Variants in VAV3 observed in about 807,000 individuals in gnomAD.
VAV3 encodes guanine nucleotide exchange factor VAV3.
A neutral mutation model predicts 131.2 loss-of-function variants in VAV3; 94 were observed. The ratio of observed to expected loss-of-function variants is 0.72; its 90% CI spans 0.61 to 0.85. VAV3 has a LOEUF of 0.85. Among genes scored for constraint, VAV3 ranks in the 40% least tolerant of loss-of-function variants. The probability of loss-of-function intolerance (pLI) is 0.00; values close to 1 mark genes in which losing one functional copy is unlikely to be tolerated. For missense variants in VAV3, 939 were observed against 1,002.7 expected (o/e 0.94, Z 0.86); for synonymous variants, 349 against 342.0 (o/e 1.02, Z -0.22).
chr1:107,636,662 C>A (rs571648821), intron 20 of VAV3, among the ~76,000 whole-genome samples: 1 of 152,094 alleles, frequency 6.6e-6, no homozygotes, highest in East Asian at 1.9e-4. Flanking sequence ...AAGTGAAAAA[C>A]AGAATGGTTG....
chr1:107,962,302 C>T (rs547184510), intron 1 of VAV3, among the ~76,000 whole-genome samples: 22 of 151,692 alleles, frequency 1.5e-4, no homozygotes, highest in Non-Finnish European at 2.8e-4. Context: ...CAGCTAGAAC[C>T]TTTCCCAAGA....
At chr1:107,733,764 A>C (rs1479566219) in intron 15 of VAV3, among the ~76,000 whole-genome samples, 1 of 152,256 alleles carries the variant, frequency 6.6e-6, no homozygotes, top group African/African-American at 2.4e-5. Flanking sequence ...TCTAAATTTG[A>C]TTGGTGTACC....
chr1:107,764,079 AAAAAAAAC>A (rs1484498367), intron 9 of VAV3, among the ~76,000 whole-genome samples: 20 of 152,182 alleles, frequency 1.3e-4, no homozygotes, highest in East Asian at 1.9e-4. Flanking sequence ...CTTCAGGAAA[AAAAAAAAC>A]AAAAAACAAA....
At chr1:107,850,785 C>A (rs898476899) in intron 2 of VAV3, among the ~76,000 whole-genome samples, 2 of 151,986 alleles carry the variant, frequency 1.3e-5, no homozygotes, top group African/African-American at 4.8e-5. Context: ...CCAGACTGAT[C>A]AACTATTTTT....
chr1:107,598,770 T>C (rs1651599571), intron 24 of VAV3, among the ~76,000 whole-genome samples: 1 of 151,226 alleles, frequency 6.6e-6, no homozygotes, highest in South Asian at 2.1e-4. Context: ...TTTTTTAAAA[T>C]ATAAAGCAAA....
At chr1:107,591,639 C>T (rs1364213002) in intron 25 of VAV3, among the ~76,000 whole-genome samples, 1 of 152,190 alleles carries the variant, frequency 6.6e-6, no homozygotes, top group Admixed American at 6.5e-5. Flanking sequence ...ATGGGATCAT[C>T]TCCACAACTG....
At chr1:107,594,273 G>A (rs1452923968) in intron 25 of VAV3, among the ~76,000 whole-genome samples, 1 of 151,980 alleles carries the variant, frequency 6.6e-6, no homozygotes, top group Non-Finnish European at 1.5e-5. Context: ...ACTCCATAAA[G>A]GCAGGAACTT....
intron 15 of VAV3, among the ~76,000 whole-genome samples, chr1:107,710,958 T>C (rs1408247340): frequency 1.3e-5 from 2 of 152,070 alleles, no homozygotes; most frequent in Admixed American, 1.3e-4. Flanking sequence ...CTAAAGATAA[T>C]AGAAAACATA....
At chr1:107,871,668 C>T (rs1334545746) in intron 2 of VAV3, among the ~76,000 whole-genome samples, 1 of 152,144 alleles carries the variant, frequency 6.6e-6, no homozygotes, top group Non-Finnish European at 1.5e-5. Context: ...CAAATAGATG[C>T]TCTTCACCAT....
At chr1:107,585,824 C>A (rs1650440422) in intron 25 of VAV3, among the ~76,000 whole-genome samples, 1 of 152,074 alleles carries the variant, frequency 6.6e-6, no homozygotes, top group Non-Finnish European at 1.5e-5. Context: ...AGGTGAGGCA[C>A]AAATGCTCTA....
intron 15 of VAV3, among the ~76,000 whole-genome samples, chr1:107,748,632 T>C (rs898308912): frequency 7.7e-4 from 118 of 152,328 alleles, no homozygotes; most frequent in Middle Eastern, 6.8e-3. Flanking sequence ...TTTAAAAATA[T>C]AGTTATTACA....
chr1:107,684,821 T>A (rs953804751), intron 18 of VAV3, among the ~76,000 whole-genome samples: 6 of 152,228 alleles, frequency 3.9e-5, no homozygotes, highest in Non-Finnish European at 7.3e-5. Context: ...TACAGACTCA[T>A]GTCTGATAAT....
chr1:107,574,992 TGCGTGCGTGCGCGCGCGCGCGCGCACAC>T (rs528470417), intron 25 of VAV3, among the ~76,000 whole-genome samples: 2,059 of 64,300 alleles, frequency 0.032, 61 homozygotes, highest in African/African-American at 0.069. Context: ...TGTGTGTGTG[TGCGTGCGTGCGCGCGCGCGCGCGCACAC>T]GCGCGCGTGT....
intron 25 of VAV3, among the ~76,000 whole-genome samples, chr1:107,580,494 A>G (rs1382939699): frequency 1.3e-5 from 2 of 152,176 alleles, no homozygotes; most frequent in African/African-American, 4.8e-5. Context: ...TCTATGCCTG[A>G]GGAATCTTCT....
chr1:107,882,331 C>T (rs1670821980), intron 1 of VAV3, among the ~76,000 whole-genome samples: 1 of 152,076 alleles, frequency 6.6e-6, no homozygotes, highest in South Asian at 2.1e-4. Flanking sequence ...AGGACACTTG[C>T]TATTGAAAGA....
rs775260134 is a variant in VAV3 at position 107,672,471 on chromosome 1, T to C, written c.1777+11017A>G. 2.9e-4 allele frequency among the ~76,000 whole-genome samples: 44 copies of C among 151,920 alleles called. No individual in the cohort carries two copies. In the Middle Eastern group the frequency reaches 0.01, roughly 35 times the overall value. Reference sequence around the variant, plus strand: ...AAAAATTAAACAATAAAATTATAAGTAGGTGTTTAATAAGTCAGAGGAGGG... The same window carrying C: ...AAAAATTAAACAATAAAATTATAAGCAGGTGTTTAATAAGTCAGAGGAGGG... On this transcript the variant is annotated intron_variant, in intron 19 of 26. Coordinates refer to ENST00000370056, the MANE Select transcript of VAV3 (RefSeq NM_006113.5).
chr1:107,765,840 A>T (rs931795635), intron 8 of VAV3, among the ~76,000 whole-genome samples: 1 of 152,208 alleles, frequency 6.6e-6, no homozygotes, highest in Non-Finnish European at 1.5e-5. Context: ...TATTTATCGA[A>T]GACTTGATGC....
chr1:107,931,353 T>C (rs72983499), intron 1 of VAV3, among the ~76,000 whole-genome samples: 4,633 of 152,266 alleles, frequency 0.03, 166 homozygotes, highest in African/African-American at 0.085. Context: ...TAATTATACA[T>C]TGAATACATG....
intron 13 of VAV3, among the ~76,000 whole-genome samples, chr1:107,749,955 T>C (rs1170239948): frequency 1.3e-5 from 2 of 152,170 alleles, no homozygotes; most frequent in Non-Finnish European, 2.9e-5. Flanking sequence ...ATAATATTAA[T>C]GACATCCGTA....
Sources: gnomAD v4.1 joint callset for allele counts (sites outside exome capture counted in the v4.1 genomes callset) on GRCh38, gnomAD v4.1.1 for gene constraint, MANE v1.5 for transcripts, NCBI Gene and HGNC (gene_info 2026-07-23, HGNC 2026-07-21) for gene names.